BNIPL: variants seen among roughly 807,000 people sequenced by gnomAD.
BNIPL encodes the protein BCL2 interacting protein like.
A neutral mutation model predicts 47.0 loss-of-function variants in BNIPL; 33 were observed. The ratio of observed to expected loss-of-function variants is 0.70; its 90% CI spans 0.53 to 0.94. The LOEUF is 0.94. Ranked by LOEUF, BNIPL falls within the 40% of genes least tolerant of loss-of-function variation. BNIPL has a pLI of 0.00. For synonymous variants in BNIPL, 145 were observed against 162.7 expected (o/e 0.89, Z 0.83); for missense variants, 404 against 445.2 (o/e 0.91, Z 0.83).
chr1:151,038,324 T>C (rs1675699940), intron 2 of BNIPL, 180 bp from the exon 3 acceptor site: 1 of 607,102 alleles, frequency 1.6e-6, no homozygotes, highest in Non-Finnish European at 2.9e-6. Flanking sequence ...CAGTGAGCTG[T>C]GATTGTGCCA....
At chr1:151,046,421 A>G (rs1676026325) in intron 9 of BNIPL, among the ~76,000 whole-genome samples, 1 of 151,086 alleles carries the variant, frequency 6.6e-6, no homozygotes. Flanking sequence ...AGGAATAATC[A>G]CAGTGCAGAG....
intron 4 of BNIPL, among the ~76,000 whole-genome samples, chr1:151,041,976 G>GA (rs1009029423): frequency 6.2e-5 from 9 of 145,646 alleles, no homozygotes; most frequent in African/African-American, 1.3e-4. Context: ...CTCCATCTCA[G>GA]AAAAAAAAAG....
In BNIPL at chr1:151,037,625, G is replaced by C. The variant is rs1183592168; in HGVS notation, c.100G>C (p.Glu34Gln). The part of the protein sequence containing the change: ...LGAALRHGEL[E>Q]LKEEWQDEEF... ...AGCAGCCCTGAGACATGGGGAGTTG[G>C]AGCTGAAGGAGGAATGGCAGGATGA... The change falls in exon 2 of 10, where the codon GAG becomes CAG. Residue 34 changes from glutamate (E) to glutamine (Q), a missense_variant. Physicochemically the swap from Glu to Gln is conservative, Grantham distance 29. Transcript: ENST00000368931. 1 of 1,605,584 alleles carries C rather than the reference G, an allele frequency of 6.2e-7. No individual in the cohort carries two copies. Among genetic ancestry groups the C allele is most frequent in the African/African-American group, 1.3e-5 (1 of 74,686 alleles).
At chr1:151,038,336 T>C in intron 2 of BNIPL, 168 bp from the exon 3 acceptor site, 1 of 620,146 alleles carries the variant, frequency 1.6e-6, no homozygotes, top group Non-Finnish European at 2.9e-6. Flanking sequence ...ATTGTGCCAC[T>C]GCATTCCAGC....
At position 151,046,903 on chromosome 1, in the gene BNIPL, T is replaced by C; in HGVS notation, c.*216T>C. The C allele has an allele frequency of 2.1e-6, 1 of 470,126 alleles. No homozygotes were observed. Among genetic ancestry groups the C allele is most frequent in the Non-Finnish European group, 3.8e-6 (1 of 265,382 alleles). 29.1% of individuals were successfully genotyped at this position (470,126 alleles called of 1,614,324 possible). A position where few individuals can be genotyped will look rare whatever the true frequency, so the allele number is the denominator to read the frequency against. The stretch of plus-strand genomic sequence containing the variant: ...GCTGGGTGACTTTCATTCCAGTTGC[T>C]GGGACGGAAGGCTGAATGTAGGGTC... On this transcript the variant is annotated 3_prime_UTR_variant, in exon 10 of 10. Coordinates refer to ENST00000368931, the MANE Select transcript of BNIPL (RefSeq NM_138278.4).
intron 7 of BNIPL, chr1:151,044,988 G>T: frequency 7.9e-7 from 1 of 1,273,414 alleles, no homozygotes; most frequent in Non-Finnish European, 1.0e-6. Context: ...CAGGTGGTCG[G>T]GCGCGGTGGC....
At position 151,038,989 on chromosome 1, in the gene BNIPL, G is replaced by C; in HGVS notation, c.396G>C (p.Ser132=). Residue 132 remains serine (S), a synonymous_variant, in exon 4 of 10, where the codon TCG becomes TCC. Coordinates refer to ENST00000368931, the MANE Select transcript of BNIPL (RefSeq NM_138278.4). ...ACGAATTGGAGACACCTTCAGACTC[G>C]GAGCAGCTGGACAGTGGACATGAAT... ...EIDELETPSD[S]EQLDSGHEFE... 6.2e-7 allele frequency: 1 copy of C among 1,606,386 alleles called. No individual in the cohort carries two copies. Among genetic ancestry groups the C allele is most frequent in the Non-Finnish European group, 8.5e-7 (1 of 1,176,408 alleles).
Position 151,037,639 on chromosome 1 carries a change from A to T in BNIPL, c.114A>T (p.Glu38Asp), listed in dbSNP as rs779959049. 7 of 1,602,284 alleles carry T rather than the reference A, an allele frequency of 4.4e-6. No homozygotes were observed. ...ATGGGGAGTTGGAGCTGAAGGAGGA[A>T]TGGCAGGATGAAGAATTCCCTAGGT... ...LRHGELELKE[E>D]WQDEEFPRLL... Residue 38 changes from glutamate to aspartate, a missense_variant, in exon 2 of 10, where the codon GAA becomes GAT. By Grantham distance (45) the Glu-to-Asp change is conservative (BLOSUM62 2). Transcript: ENST00000368931.
intron 7 of BNIPL, 119 bp downstream of exon 7, chr1:151,043,846 C>T: frequency 2.4e-6 from 3 of 1,255,310 alleles, no homozygotes; most frequent in Non-Finnish European, 3.2e-6. Flanking sequence ...ACGTTCCTTT[C>T]CCAGCTCTTT....
At chr1:151,040,538 G>A (rs983620136) in intron 4 of BNIPL, among the ~76,000 whole-genome samples, 1 of 151,534 alleles carries the variant, frequency 6.6e-6, no homozygotes, top group Non-Finnish European at 1.5e-5. Context: ...GCTCACGCCT[G>A]TAATCCCAGC....
intron 3 of BNIPL, 105 bp from the exon 4 acceptor site, chr1:151,038,691 T>C: frequency 6.4e-7 from 1 of 1,564,778 alleles, no homozygotes; most frequent in Non-Finnish European, 8.7e-7. Flanking sequence ...TGAGTCCTTC[T>C]TCAGCATTCA....
Position 151,042,974 on chromosome 1 carries a change from A to T in BNIPL, c.452A>T (p.Glu151Val). Reference protein sequence around the residue: ...FEWEDELPRAEGLGTSETAER... With the variant: ...FEWEDELPRAVGLGTSETAER... ...CTTTTAGATGAACTACCCCGGGCAG[A>T]GGGTCTGGGCACCAGTGAGACAGCT... Residue 151 changes from glutamate (E) to valine (V), a missense_variant, in exon 5 of 10, where the codon GAG becomes GTG. Physicochemically the swap from Glu to Val is moderately radical, Grantham distance 121. Transcript: ENST00000368931. 1 of 1,585,094 alleles carries T rather than the reference A, an allele frequency of 6.3e-7. No individual in the cohort carries two copies. Among genetic ancestry groups the T allele is most frequent in the Non-Finnish European group, 8.5e-7 (1 of 1,171,524 alleles).
At position 151,047,028 on chromosome 1, in the gene BNIPL, C is replaced by T. The variant is rs748564594; in HGVS notation, c.*341C>T. On this transcript the variant is annotated 3_prime_UTR_variant, in exon 10 of 10. Transcript: ENST00000368931. The stretch of plus-strand genomic sequence containing the variant: ...AGGCTGGAGTGCAGTGGTGCGATCT[C>T]GGCTCACTGCAACCTCCGCCTCCCG... 8.5e-5 allele frequency: 15 copies of T among 176,052 alleles called. No homozygotes were observed. Among genetic ancestry groups the T allele is most frequent in the Non-Finnish European group, 1.7e-4 (14 of 83,558 alleles). The allele number at this position is 176,052 out of a possible 1,614,324, so 10.9% of individuals were successfully genotyped here.
rs779589350 is a variant in BNIPL at position 151,046,751 on chromosome 1, C to T, written c.*64C>T. 2.2e-6 allele frequency: 3 copies of T among 1,353,760 alleles called. No homozygotes were observed. Among genetic ancestry groups the T allele is most frequent in the East Asian group, 2.4e-5 (1 of 41,370 alleles). 83.9% of individuals were successfully genotyped at this position (1,353,760 alleles called of 1,614,324 possible). On this transcript the variant is annotated 3_prime_UTR_variant, in exon 10 of 10. Transcript: ENST00000368931. ...TCTGCCTACACCTGAATCCCTGAAACATCTGAACTGTTTTGTAAATCATCT... is the reference window on the plus strand; with the variant it reads ...TCTGCCTACACCTGAATCCCTGAAATATCTGAACTGTTTTGTAAATCATCT...
intron 7 of BNIPL, 23 bp from the exon 8 acceptor site, chr1:151,045,774 G>A: frequency 6.2e-7 from 1 of 1,614,000 alleles, no homozygotes; most frequent in East Asian, 2.2e-5. Flanking sequence ...GAAGAAATAG[G>A]ATGATCTCAT....
rs587753407 is a variant in BNIPL, at chr1:151,046,873, G to C, written c.*186G>C. 1,417 of 491,304 alleles carry C rather than the reference G, an allele frequency of 2.9e-3. 3 individuals are homozygous for C. The highest frequency in any genetic ancestry group is 4.9e-3 in the Middle Eastern group (10 of 2,052). The allele number at this position is 491,304 out of a possible 1,614,324, so 30.4% of individuals were successfully genotyped here. ...AGCAGGGCTTTGAGGCTGGGAAACTGATCTGCTGGGTGACTTTCATTCCAG... is the reference window on the plus strand; with the variant it reads ...AGCAGGGCTTTGAGGCTGGGAAACTCATCTGCTGGGTGACTTTCATTCCAG... On this transcript the variant is annotated 3_prime_UTR_variant, in exon 10 of 10. Coordinates refer to ENST00000368931, the MANE Select transcript of BNIPL (RefSeq NM_138278.4).
Position 151,037,614 on chromosome 1 carries a change from A to T in BNIPL, c.89A>T (p.His30Leu), listed in dbSNP as rs1344446892. ...EAPELGAALR[H>L]GELELKEEWQ... ...CCAGAACTAGGAGCAGCCCTGAGAC[A>T]TGGGGAGTTGGAGCTGAAGGAGGAA... The change falls in exon 2 of 10, where the codon CAT (histidine) becomes CTT (leucine). Residue 30 changes from histidine to leucine, a missense_variant. His to Leu is a moderately conservative substitution (Grantham distance 99). Transcript: ENST00000368931. 6 of 1,607,720 alleles carry T rather than the reference A, an allele frequency of 3.7e-6. No individual in the cohort carries two copies. The highest frequency in any genetic ancestry group is 5.1e-6 in the Non-Finnish European group (6 of 1,176,914).
At chr1:151,042,394 G>GGC (rs1675858281) in intron 4 of BNIPL, among the ~76,000 whole-genome samples, 3 of 152,072 alleles carry the variant, frequency 2.0e-5, no homozygotes. Context: ...TGGGATTACA[G>GGC]GCACGAGCCA....
intron 3 of BNIPL, 79 bp from the exon 4 acceptor site, chr1:151,038,717 T>G (rs1455408165): frequency 1.3e-6 from 2 of 1,551,768 alleles, no homozygotes; most frequent in Non-Finnish European, 1.7e-6. Flanking sequence ...TATTATCACT[T>G]TCACATACAG....
Sources: gnomAD v4.1 joint callset for allele counts (sites outside exome capture counted in the v4.1 genomes callset) on GRCh38, gnomAD v4.1.1 for gene constraint, MANE v1.5 for transcripts, NCBI Gene and HGNC (gene_info 2026-07-23, HGNC 2026-07-21) for gene names.